Variants in MANBAL observed in about 807,000 individuals in gnomAD.
MANBAL encodes the protein mannosidase beta like.
MANBAL carries 1 observed loss-of-function variant against 6.4 expected under a neutral mutation model. The observed-to-expected ratio is 0.16, with a 90% CI of 0.06 to 0.74. The LOEUF (loss-of-function observed/expected upper bound fraction) is 0.74. Among genes scored for constraint, MANBAL ranks in the 30% least tolerant of loss-of-function variants. The pLI is 0.78. For missense variants in MANBAL, 100 were observed against 107.8 expected (o/e 0.93, Z 0.32); for synonymous variants, 47 against 45.8 (o/e 1.03, Z -0.10).
intron 1 of MANBAL, among the ~76,000 whole-genome samples, chr20:37,297,907 A>G (rs1173891622): frequency 6.6e-6 from 1 of 152,086 alleles, no homozygotes; most frequent in East Asian, 1.9e-4. Context: ...AGCCTCCCAA[A>G]GTGCTGGGAT....
chr20:37,302,313 C>T, intron 2 of MANBAL: 8 of 1,550,572 alleles, frequency 5.2e-6, no homozygotes, highest in Non-Finnish European at 7.0e-6. Flanking sequence ...CCATTCCAGT[C>T]AGGTTATTGG....
intron 2 of MANBAL, among the ~76,000 whole-genome samples, chr20:37,310,197 G>T (rs566425469): frequency 6.6e-6 from 1 of 152,190 alleles, no homozygotes; most frequent in African/African-American, 2.4e-5. Flanking sequence ...CCGTGTCTCC[G>T]TTTGCCTTGT....
intron 2 of MANBAL, among the ~76,000 whole-genome samples, chr20:37,309,664 G>A (rs1243078537): frequency 1.3e-5 from 2 of 152,168 alleles, no homozygotes; most frequent in East Asian, 3.9e-4. Flanking sequence ...TGAGCCACCT[G>A]CACCTACTGC....
intron 1 of MANBAL, among the ~76,000 whole-genome samples, chr20:37,299,562 A>T (rs756618299): frequency 6.6e-6 from 1 of 152,228 alleles, no homozygotes; most frequent in South Asian, 2.1e-4. Flanking sequence ...AAAATATTGC[A>T]TTGTGGCACA....
intron 1 of MANBAL, among the ~76,000 whole-genome samples, chr20:37,295,053 G>T (rs1454468439): frequency 2.6e-5 from 4 of 152,166 alleles, no homozygotes; most frequent in Admixed American, 1.3e-4. Context: ...AGCAAGTCTG[G>T]AGCAGGACAG....
At position 37,289,676 on chromosome 20, in the gene MANBAL, C is replaced by G. The variant is rs971560118; in HGVS notation, c.-67C>G. 2.0e-5 allele frequency: 3 copies of G among 152,602 alleles called. No homozygotes were observed. The highest frequency in any genetic ancestry group is 4.4e-5 in the Non-Finnish European group (3 of 68,392). The allele number at this position is 152,602 out of a possible 1,614,324, so 9.5% of individuals were successfully genotyped here. ...AACTACTTCCGGGGGAGCGGCGCGG[C>G]GGCGCGGGAGGTGAGTGCCGCAGCT... On this transcript the variant is annotated 5_prime_UTR_variant, in exon 1 of 3. Transcript: ENST00000373606.
chr20:37,296,217 A>G (rs1247404634), intron 1 of MANBAL, among the ~76,000 whole-genome samples: 2 of 152,226 alleles, frequency 1.3e-5, no homozygotes, highest in East Asian at 3.8e-4. Context: ...GAACATTTCC[A>G]TCACTGCAGA....
chr20:37,302,234 G>A (rs535653963), intron 2 of MANBAL: 2 of 1,550,440 alleles, frequency 1.3e-6, no homozygotes, highest in Middle Eastern at 1.7e-4. Flanking sequence ...CTTCTCTGTG[G>A]TGTCATTTAA....
intron 2 of MANBAL, among the ~76,000 whole-genome samples, chr20:37,310,861 G>GCTGT (rs1241017340): frequency 1.1e-4 from 16 of 152,214 alleles, no homozygotes; most frequent in African/African-American, 3.9e-4. Context: ...TAAAGGCAGG[G>GCTGT]CTGTCGGCTT....
intron 1 of MANBAL, among the ~76,000 whole-genome samples, chr20:37,292,939 C>T (rs949709669): frequency 6.6e-6 from 1 of 152,158 alleles, no homozygotes; most frequent in Non-Finnish European, 1.5e-5. Flanking sequence ...TGCTTCTAGG[C>T]CTTCGCAGTG....
intron 1 of MANBAL, among the ~76,000 whole-genome samples, chr20:37,294,658 C>G (rs2068951171): frequency 6.6e-6 from 1 of 152,186 alleles, no homozygotes; most frequent in African/African-American, 2.4e-5. Context: ...TTCTTCTTTC[C>G]TCTGTTGAAA....
In MANBAL at chr20:37,300,823, G is replaced by GGT. The variant is rs150974369; in HGVS notation, c.-56-370_-56-369dup. On this transcript the variant is annotated intron_variant, in intron 1 of 2. Transcript: ENST00000373606. ...TTCACAATTCCTGTATATATTCTTGGGTGTGTGTGTGTGTGTTCAAGTTAA... is the reference window on the plus strand; with the variant it reads ...TTCACAATTCCTGTATATATTCTTGGGTGTGTGTGTGTGTGTGTTCAAGTTAA... Among the ~76,000 whole-genome samples, 377 of 151,638 alleles carry GGT rather than the reference G, an allele frequency of 2.5e-3. 3 individuals carry two copies. The highest frequency in any genetic ancestry group is 8.3e-3 in the African/African-American group (345 of 41,394).
At chr20:37,302,158 T>G in intron 2 of MANBAL, 1 of 1,397,972 alleles carries the variant, frequency 7.2e-7, no homozygotes, top group Non-Finnish European at 9.9e-7. Flanking sequence ...GCTCGTGACA[T>G]TGATTTATTG....
intron 2 of MANBAL, among the ~76,000 whole-genome samples, chr20:37,304,096 C>A (rs2069203494): frequency 6.6e-6 from 1 of 152,200 alleles, no homozygotes; most frequent in Admixed American, 6.5e-5. Context: ...ATATTTTTTA[C>A]TACTAAGACT....
chr20:37,313,160 C>T (rs571693690), intron 2 of MANBAL, among the ~76,000 whole-genome samples: 302 of 151,616 alleles, frequency 2.0e-3, no homozygotes, highest in African/African-American at 6.8e-3. Flanking sequence ...GGGCAGATCA[C>T]GAGGTCAGGA....
chr20:37,306,444 C>G (rs995857624), intron 2 of MANBAL, among the ~76,000 whole-genome samples: 2 of 152,146 alleles, frequency 1.3e-5, no homozygotes, highest in African/African-American at 4.8e-5. Context: ...CACCCCACCC[C>G]CTTCCTTTTC....
chr20:37,295,545 T>C lies in MANBAL; in HGVS notation c.-56-5663T>C, dbSNP rs148564612. Among the ~76,000 whole-genome samples, 141 of 152,304 alleles carry C rather than the reference T, an allele frequency of 9.3e-4. 1 individual carries two copies. The highest frequency in any genetic ancestry group is 2.8e-3 in the African/African-American group (116 of 41,560). On this transcript the variant is annotated intron_variant, in intron 1 of 2. Coordinates refer to ENST00000373606, the MANE Select transcript of MANBAL (RefSeq NM_001003897.2). Reference sequence around the variant, plus strand: ...CCCCTAAATGGTTTTCCTGGCTCACTAATGGGCCACAGCCTGCAGTTTGAA... The same window carrying C: ...CCCCTAAATGGTTTTCCTGGCTCACCAATGGGCCACAGCCTGCAGTTTGAA...
At chr20:37,298,626 C>G (rs2069057407) in intron 1 of MANBAL, 1 of 152,068 alleles carries the variant, frequency 6.6e-6, no homozygotes, top group African/African-American at 2.4e-5. Context: ...TATGTATATA[C>G]TACGTTTTGC....
At chr20:37,298,181 GTC>G (rs1477087284) in intron 1 of MANBAL, among the ~76,000 whole-genome samples, 4 of 152,026 alleles carry the variant, frequency 2.6e-5, no homozygotes, top group Admixed American at 1.3e-4. Flanking sequence ...GTGAGACCCT[GTC>G]TCTAAATAAA....
Sources: gnomAD v4.1 joint callset for allele counts (sites outside exome capture counted in the v4.1 genomes callset) on GRCh38, gnomAD v4.1.1 for gene constraint, MANE v1.5 for transcripts, NCBI Gene and HGNC (gene_info 2026-07-23, HGNC 2026-07-21) for gene names.